TTC38: variants seen among roughly 807,000 people sequenced by gnomAD.
TTC38 encodes tetratricopeptide repeat protein 38.
Under a neutral mutation model 64.2 loss-of-function variants are expected in TTC38, and 64 were observed. The ratio of observed to expected loss-of-function variants is 1.00; its 90% confidence interval spans 0.81 to 1.23. The LOEUF is 1.23. TTC38 is among the 50% of genes most tolerant of loss of function. The probability of loss-of-function intolerance (pLI) is 0.00; values close to 1 mark genes in which losing one functional copy is unlikely to be tolerated. For synonymous variants in TTC38, 254 were observed against 249.3 expected (o/e 1.02, Z -0.18); for missense variants, 573 against 615.5 (o/e 0.93, Z 0.73).
chr22:46,289,912 C>T lies in TTC38; in HGVS notation c.1316+13C>T. ...AGAACGTAGCCCGGTGAGCTCCTGG[C>T]CCCTGCCCAGCACTCCCGACCTTCA... is the stretch of plus-strand genomic sequence containing the variant. On this transcript the variant is annotated intron_variant, in intron 13 of 13. Transcript: ENST00000381031. 1 of 1,613,114 alleles carries T rather than the reference C, an allele frequency of 6.2e-7. No homozygotes were observed. The highest frequency in any genetic ancestry group is 8.5e-7 in the Non-Finnish European group (1 of 1,179,204).
chr22:46,272,468 C>T lies in TTC38; in HGVS notation c.193+52C>T, dbSNP rs1466187016. 1.4e-6 allele frequency: 2 copies of T among 1,465,122 alleles called. No homozygotes were observed. The highest frequency in any genetic ancestry group is 1.9e-6 in the Non-Finnish European group (2 of 1,047,300). The allele number at this position is 1,465,122 out of a possible 1,614,324, so 90.8% of individuals were successfully genotyped here. On this transcript the variant is annotated intron_variant, in intron 3 of 13. Coordinates refer to ENST00000381031, the MANE Select transcript of TTC38 (RefSeq NM_017931.4). The surrounding 1 kb of genome is among the most constrained non-coding windows in gnomAD (Gnocchi z 6.4). The stretch of plus-strand genomic sequence containing the variant: ...GAGCCCCGCTTCACACATCCAGCCC[C>T]TCTCTTTCCTTTACCACAGGGACAC...
chr22:46,283,129 T>A (rs2077547105), intron 7 of TTC38, among the ~76,000 whole-genome samples: 2 of 151,730 alleles, frequency 1.3e-5, no homozygotes, highest in Admixed American at 1.3e-4. Flanking sequence ...AGAGACAGGG[T>A]CTCTTCCCTA....
chr22:46,279,278 G>A (rs940045473), intron 6 of TTC38, among the ~76,000 whole-genome samples: 3 of 152,192 alleles, frequency 2.0e-5, no homozygotes, highest in Non-Finnish European at 4.4e-5. Flanking sequence ...TTGCAGGAGT[G>A]GAAACTGAGG....
intron 5 of TTC38, among the ~76,000 whole-genome samples, chr22:46,277,326 G>A (rs903610711): frequency 2.6e-5 from 4 of 152,098 alleles, no homozygotes; most frequent in Admixed American, 2.0e-4. Flanking sequence ...AAGTGTGGGC[G>A]GGACGCAATG....
chr22:46,285,392 C>T (rs569139705), intron 9 of TTC38, 113 bp downstream of exon 9: 3 of 1,051,090 alleles, frequency 2.9e-6, no homozygotes, highest in Non-Finnish European at 4.5e-6. Context: ...ACAGCTGGAG[C>T]AAGAACACAT....
intron 9 of TTC38, among the ~76,000 whole-genome samples, chr22:46,286,631 C>T (rs2077573693): frequency 6.6e-6 from 1 of 150,698 alleles, no homozygotes; most frequent in Non-Finnish European, 1.5e-5. Flanking sequence ...ATTTGCACTC[C>T]AGCCTGGGCG....
chr22:46,285,309 G>A lies in TTC38; in HGVS notation c.834+30G>A, dbSNP rs748110401. 3.1e-6 allele frequency: 5 copies of A among 1,613,154 alleles called. No individual in the cohort carries two copies. The East Asian group carries it at 8.9e-5, about 29-fold the overall frequency. ...GTTGCATTCACACCGTGTTTGGTTTGTTGCAGCATTTTGCCTTTGAGTCTC... is the reference window on the plus strand; with the variant it reads ...GTTGCATTCACACCGTGTTTGGTTTATTGCAGCATTTTGCCTTTGAGTCTC... On this transcript the variant is annotated intron_variant, in intron 9 of 13. Transcript: ENST00000381031.
chr22:46,288,288 C>T (rs979475871), intron 10 of TTC38, 135 bp from the exon 11 acceptor site: 13 of 860,868 alleles, frequency 1.5e-5, no homozygotes, highest in Middle Eastern at 6.7e-4. Context: ...GCCCGTGGCC[C>T]TGCCCACCTC....
chr22:46,278,568 C>T lies in TTC38; in HGVS notation c.540-18C>T. 1 of 1,608,126 alleles carries T rather than the reference C, an allele frequency of 6.2e-7. No homozygotes were observed. The highest frequency in any genetic ancestry group is 2.2e-5 in the East Asian group (1 of 44,836). ...CATCCATCATTTTGTATTCTGAGAT[C>T]TTTTTTTCTGTTTTTAGCTATGTGA... On this transcript the variant is annotated intron_variant, in intron 5 of 13. Transcript: ENST00000381031.
Position 46,272,229 on chromosome 22 carries a change from G to A in TTC38, c.112-106G>A. 1.2e-6 allele frequency: 1 copy of A among 820,114 alleles called. No homozygotes were observed. 50.8% of individuals were successfully genotyped at this position (820,114 alleles called of 1,614,324 possible). ...TGGTCTCGAACTCCTGACCTCAGAT[G>A]TTCTGCCCGCCTCGGCCTCCCAAAG... On this transcript the variant is annotated intron_variant, in intron 2 of 13. Transcript: ENST00000381031. The surrounding 1 kb of genome is among the most constrained non-coding windows in gnomAD (Gnocchi z 6.4).
At position 46,281,835 on chromosome 22, in the gene TTC38, C is replaced by A; in HGVS notation, c.735+117C>A. On this transcript the variant is annotated intron_variant, in intron 7 of 13. Transcript: ENST00000381031. The surrounding 1 kb of genome is among the most constrained non-coding windows in gnomAD (Gnocchi z 5.2). ...TGGCTTAATTCTCGGGGTTCCCTCT[C>A]CTCCTCCACCTGCACCTGCCTCAGG... The A allele has an allele frequency of 7.4e-7, 1 of 1,344,610 alleles. No homozygotes were observed. The highest frequency in any genetic ancestry group is 1.0e-6 in the Non-Finnish European group (1 of 956,180). 83.3% of individuals were successfully genotyped at this position (1,344,610 alleles called of 1,614,324 possible).
At chr22:46,269,101 A>C (rs766201642) in intron 2 of TTC38, 1 of 424,038 alleles carries the variant, frequency 2.4e-6, no homozygotes, top group Non-Finnish European at 4.8e-6. Context: ...CCCCCCCCAC[A>C]GCGTCCTAAA....
rs374469397 is a variant in TTC38, at chr22:46,268,586, A to G, written c.106A>G (p.Thr36Ala). The G allele has an allele frequency of 2.5e-6, 4 of 1,613,728 alleles. No individual in the cohort carries two copies. Among genetic ancestry groups the G allele is most frequent in the Non-Finnish European group, 3.4e-6 (4 of 1,180,028 alleles). Residue 36 changes from threonine to alanine, a missense_variant, in exon 2 of 14, where the codon ACC (threonine) becomes GCC (alanine). Thr to Ala is a moderately conservative substitution (Grantham distance 58). Transcript: ENST00000381031. ...CTGCAAGCTGTTCGATGCCACGCTG[A>G]CCCAGGTATGCCTGCCGAGAGAGGC... is the stretch of plus-strand genomic sequence containing the variant. ...EACKLFDATLTQYVKWTNDKS... is the reference protein window; with the variant it reads ...EACKLFDATLAQYVKWTNDKS...
intron 13 of TTC38, 42 bp downstream of exon 13, chr22:46,289,941 G>A: frequency 6.4e-7 from 1 of 1,569,514 alleles, no homozygotes; most frequent in Non-Finnish European, 8.8e-7. Context: ...ACCTTCACAG[G>A]CTCTCCCTGC....
chr22:46,275,057 G>A lies in TTC38; in HGVS notation c.366-191G>A, dbSNP rs193066209. Among the ~76,000 whole-genome samples, 345 of 152,186 alleles carry A rather than the reference G, an allele frequency of 2.3e-3. 1 individual carries two copies. Among genetic ancestry groups the A allele is most frequent in the African/African-American group, 7.6e-3 (315 of 41,524 alleles). On this transcript the variant is annotated intron_variant, in intron 4 of 13. Transcript: ENST00000381031. This position sits in a 1 kb window ranked among gnomAD's most constrained non-coding sequence, Gnocchi z 4.5. ...AGGCTGGTCTTGAACTCCTGACCTC[G>A]TGATCCACCTGCCTTGGTCTCCCAA...
Position 46,281,501 on chromosome 22 carries a change from C to G in TTC38, c.616-98C>G. ...CCCCCACTTGCTCCACCCCGTTCAG[C>G]CCAGGCCCCTCTTGCCCCTTAGAGA... is the stretch of plus-strand genomic sequence containing the variant. On this transcript the variant is annotated intron_variant, in intron 6 of 13. Transcript: ENST00000381031. This position sits in a 1 kb window ranked among gnomAD's most constrained non-coding sequence, Gnocchi z 5.2. 6.9e-7 allele frequency: 1 copy of G among 1,459,120 alleles called. No homozygotes were observed. Among genetic ancestry groups the G allele is most frequent in the South Asian group, 1.2e-5 (1 of 83,000 alleles). The allele number at this position is 1,459,120 out of a possible 1,614,324, so 90.4% of individuals were successfully genotyped here.
At chr22:46,290,968 C>T (rs1403045965) in intron 13 of TTC38, among the ~76,000 whole-genome samples, 1 of 152,156 alleles carries the variant, frequency 6.6e-6, no homozygotes, top group Non-Finnish European at 1.5e-5. Flanking sequence ...GCTGTGAGAG[C>T]AGGTGGCAGC....
At position 46,289,857 on chromosome 22, in the gene TTC38, C is replaced by T. The variant is rs182313981; in HGVS notation, c.1274C>T (p.Ala425Val). ...RDVFNQLLIH[A>V]ALNCTSSVHK... ...GTCTTCAACCAGCTGCTGATTCACG[C>T]GGCCTTAAACTGCACCTCCAGCGTC... The change falls in exon 13 of 14, where the codon GCG becomes GTG. Residue 425 changes from alanine (A) to valine (V), a missense_variant. Ala to Val is a moderately conservative substitution (Grantham distance 64). Transcript: ENST00000381031. 7.9e-3 allele frequency: 12,712 copies of T among 1,614,142 alleles called. 79 individuals carry two copies. The highest frequency in any genetic ancestry group is 0.015 in the Middle Eastern group (93 of 6,062).
In TTC38 at chr22:46,273,163, G is replaced by A. The variant is rs1936932809; in HGVS notation, c.194-735G>A. Among the ~76,000 whole-genome samples the A allele has an allele frequency of 6.6e-6, 1 of 152,216 alleles. No homozygotes were observed. Among genetic ancestry groups the A allele is most frequent in the African/African-American group, 2.4e-5 (1 of 41,450 alleles). On this transcript the variant is annotated intron_variant, in intron 3 of 13. Transcript: ENST00000381031. The surrounding 1 kb of genome is among the most constrained non-coding windows in gnomAD (Gnocchi z 5.1). The stretch of plus-strand genomic sequence containing the variant: ...CCAGTCATGGGGAGCCAGGAGCCAG[G>A]GGTGGGCTCGGACTCTCTGAGCAGA...
Sources: allele counts gnomAD v4.1 joint callset (sites outside exome capture counted in the v4.1 genomes callset), GRCh38; gene constraint gnomAD v4.1.1; non-coding constraint Gnocchi (gnomAD v3.1); transcripts MANE v1.5; gene names NCBI Gene and HGNC (gene_info 2026-07-23, HGNC 2026-07-21).